GALNTL6: variants seen among roughly 807,000 people sequenced by gnomAD.
GALNTL6 encodes polypeptide N-acetylgalactosaminyltransferase like 6, also known as polypeptide N-acetylgalactosaminyltransferase-like 6.
Under a neutral mutation model 73.7 loss-of-function variants are expected in GALNTL6, and 46 were observed. The ratio of observed to expected loss-of-function variants is 0.62; its 90% confidence interval spans 0.49 to 0.80. The LOEUF is 0.80. Among genes scored for constraint, GALNTL6 ranks in the 30% least tolerant of loss-of-function variants. The probability of loss-of-function intolerance (pLI) is 0.00; values close to 1 mark genes in which losing one functional copy is unlikely to be tolerated. For missense variants in GALNTL6, 604 were observed against 755.0 expected (o/e 0.80, Z 2.34); for synonymous variants, 259 against 263.7 (o/e 0.98, Z 0.17).
In GALNTL6 at chr4:172,834,256, G is replaced by A. The variant is rs375804517; in HGVS notation, c.923+20533G>A. ...ACCCACCCTGGGTTACCTCTGGACT[G>A]GAAAGTAAAAGAAACGCTGAGAACC... On this transcript the variant is annotated intron_variant, in intron 7 of 12. Coordinates refer to ENST00000506823, the MANE Select transcript of GALNTL6 (RefSeq NM_001034845.3). Among the ~76,000 whole-genome samples the A allele has an allele frequency of 4.6e-5, 7 of 152,314 alleles. No individual in the cohort carries two copies. The East Asian group carries it at 7.7e-4, about 17-fold the overall frequency.
At chr4:172,757,175 T>C (rs1344636821) in intron 5 of GALNTL6, among the ~76,000 whole-genome samples, 2 of 152,162 alleles carry the variant, frequency 1.3e-5, no homozygotes, top group Non-Finnish European at 2.9e-5. Flanking sequence ...CCCTCTGAAA[T>C]ACCTAATGCA....
chr4:171,902,561 G>T (rs1270752920), intron 2 of GALNTL6, among the ~76,000 whole-genome samples: 1 of 152,220 alleles, frequency 6.6e-6, no homozygotes, highest in East Asian at 1.9e-4. Flanking sequence ...TGTATGGAAA[G>T]AGATTAATGA....
chr4:172,798,400 A>T (rs1740408275), intron 5 of GALNTL6, among the ~76,000 whole-genome samples: 1 of 152,064 alleles, frequency 6.6e-6, no homozygotes, highest in Non-Finnish European at 1.5e-5. Flanking sequence ...GTGAGATCTC[A>T]TGGGTTGTTT....
rs886687234 is a variant in GALNTL6, at chr4:172,532,183, A to C, written c.553+183494A>C. Among the ~76,000 whole-genome samples the C allele has an allele frequency of 3.3e-5, 5 of 152,312 alleles. No homozygotes were observed. The East Asian group carries it at 9.7e-4, about 29-fold the overall frequency. On this transcript the variant is annotated intron_variant, in intron 5 of 12. Coordinates refer to ENST00000506823, the MANE Select transcript of GALNTL6 (RefSeq NM_001034845.3). ...GTACTCGTGAATGTAACCTTTGGAAATAGGATCTTTGCAGATGTAATACAG... is the reference window on the plus strand; with the variant it reads ...GTACTCGTGAATGTAACCTTTGGAACTAGGATCTTTGCAGATGTAATACAG...
rs1020369977 is a variant in GALNTL6 at position 172,296,204 on chromosome 4, A to G, written c.248-15410A>G. ...AGAATGTGTATCGGCTTTTACTCCA[A>G]TGAATATTTTGCCTATATTGAGATA... On this transcript the variant is annotated intron_variant, in intron 3 of 12. Coordinates refer to ENST00000506823, the MANE Select transcript of GALNTL6 (RefSeq NM_001034845.3). Among the ~76,000 whole-genome samples, 4 of 152,196 alleles carry G rather than the reference A, an allele frequency of 2.6e-5. No individual in the cohort carries two copies. The East Asian group carries it at 5.8e-4, about 22-fold the overall frequency.
intron 5 of GALNTL6, among the ~76,000 whole-genome samples, chr4:172,558,947 T>A (rs1032500830): frequency 2.0e-5 from 3 of 152,082 alleles, no homozygotes; most frequent in African/African-American, 7.2e-5. Flanking sequence ...GTTTATTCAG[T>A]GCTTTTTGTC....
chr4:172,069,457 C>CACATATATGTTATATGTATA (rs1264781792), intron 2 of GALNTL6, among the ~76,000 whole-genome samples: 1 of 60,470 alleles, frequency 1.7e-5, no homozygotes, highest in Non-Finnish European at 3.6e-5. Flanking sequence ...TAATATATAA[C>CACATATATGTTATATGTATA]ACACATATAA....
rs148624014 is a variant in GALNTL6, at chr4:172,977,160, G to A, written c.1371+24902G>A. ...ATGAACATGGAATCAGAACACAGAC[G>A]AAGAGGCTGTTTCACATTATCAGGG... On this transcript the variant is annotated intron_variant, in intron 10 of 12. Transcript: ENST00000506823. 6.6e-5 allele frequency among the ~76,000 whole-genome samples: 10 copies of A among 152,288 alleles called. No individual in the cohort carries two copies. The East Asian group carries it at 7.7e-4, about 12-fold the overall frequency.
At chr4:172,359,081 C>G (rs1006345998) in intron 5 of GALNTL6, among the ~76,000 whole-genome samples, 1 of 152,078 alleles carries the variant, frequency 6.6e-6, no homozygotes, top group Non-Finnish European at 1.5e-5. Context: ...CACATGCACA[C>G]AAATGTTCAC....
At chr4:171,911,685 G>C (rs962936446) in intron 2 of GALNTL6, among the ~76,000 whole-genome samples, 3 of 151,952 alleles carry the variant, frequency 2.0e-5, no homozygotes, top group African/African-American at 4.8e-5. Context: ...ATTTGAAACA[G>C]AATTCCCAAC....
intron 5 of GALNTL6, among the ~76,000 whole-genome samples, chr4:172,351,390 A>G (rs1261569057): frequency 6.6e-6 from 1 of 152,178 alleles, no homozygotes; most frequent in Non-Finnish European, 1.5e-5. Context: ...ATTGAAGTAA[A>G]ATAAAATTCT....
chr4:173,029,140 AT>A (rs775454751), intron 12 of GALNTL6, among the ~76,000 whole-genome samples: 10 of 152,244 alleles, frequency 6.6e-5, no homozygotes, highest in Non-Finnish European at 1.0e-4. Context: ...GAAAGTGTAT[AT>A]AACAAGTTTA....
chr4:172,706,012 T>C (rs1734330937), intron 5 of GALNTL6, among the ~76,000 whole-genome samples: 1 of 152,130 alleles, frequency 6.6e-6, no homozygotes, highest in South Asian at 2.1e-4. Flanking sequence ...TTTATATCTT[T>C]CTCTAGATTT....
At chr4:172,518,294 G>A (rs1734671767) in intron 5 of GALNTL6, among the ~76,000 whole-genome samples, 1 of 151,874 alleles carries the variant, frequency 6.6e-6, no homozygotes, top group Non-Finnish European at 1.5e-5. Context: ...CCAAAATCAA[G>A]AAGTTGAAGG....
At chr4:172,177,804 C>CATATATAT (rs1735081458) in intron 2 of GALNTL6, among the ~76,000 whole-genome samples, 1 of 129,266 alleles carries the variant, frequency 7.7e-6, no homozygotes, top group Non-Finnish European at 1.5e-5. Context: ...TATATACACA[C>CATATATAT]ACATATATGT....
At position 172,314,600 on chromosome 4, in the gene GALNTL6, CTTT is replaced by C. The variant is rs773057515; in HGVS notation, c.386+2871_386+2873del. 1.7e-4 allele frequency among the ~76,000 whole-genome samples: 12 copies of C among 70,702 alleles called. No homozygotes were observed. The East Asian group carries it at 5.5e-3, about 33-fold the overall frequency. The allele number at this position is 70,702 out of a possible 152,430, so 46.4% of individuals were successfully genotyped here. Reference sequence around the variant, plus strand: ...TATTTCAGAAATCCTAATGCGTAGGCTTTTTTTTTTTTTTTTTTTTTTTTTGAG... The same window carrying C: ...TATTTCAGAAATCCTAATGCGTAGGCTTTTTTTTTTTTTTTTTTTTTTGAG... On this transcript the variant is annotated intron_variant, in intron 4 of 12. Coordinates refer to ENST00000506823, the MANE Select transcript of GALNTL6 (RefSeq NM_001034845.3).
chr4:171,869,178 G>T (rs1183449605), intron 2 of GALNTL6, among the ~76,000 whole-genome samples: 1 of 152,210 alleles, frequency 6.6e-6, no homozygotes, highest in African/African-American at 2.4e-5. Flanking sequence ...ATTCTCAGAG[G>T]AATGCCTTGT....
At chr4:172,111,765 T>C (rs1732857813) in intron 2 of GALNTL6, among the ~76,000 whole-genome samples, 1 of 152,078 alleles carries the variant, frequency 6.6e-6, no homozygotes. Context: ...ACTTTATTTT[T>C]TGGAGCAGTT....
intron 3 of GALNTL6, among the ~76,000 whole-genome samples, chr4:172,286,476 G>A (rs563795147): frequency 1.6e-4 from 25 of 152,274 alleles, no homozygotes; most frequent in East Asian, 1.3e-3. Context: ...TAAATTCAAC[G>A]TCCAAGACAG....
Sources: allele counts gnomAD v4.1 joint callset (sites outside exome capture counted in the v4.1 genomes callset), GRCh38; gene constraint gnomAD v4.1.1; transcripts MANE v1.5; gene names NCBI Gene and HGNC (gene_info 2026-07-23, HGNC 2026-07-21).